RGS9: variants seen among roughly 807,000 people sequenced by gnomAD.
RGS9 encodes the protein regulator of G-protein signalling 9.
In RGS9, 78 loss-of-function variants were observed where a neutral mutation model predicts 102.0. The ratio of observed to expected loss-of-function variants is 0.76; its 90% CI spans 0.64 to 0.92. The LOEUF (loss-of-function observed/expected upper bound fraction) is 0.92, where lower values mean the gene tolerates loss of function less well. RGS9 is among the 40% of genes least tolerant of loss of function. RGS9 has a pLI of 0.00. For missense variants in RGS9, 833 were observed against 866.1 expected, an observed-to-expected ratio of 0.96 and a Z score of 0.48; for synonymous variants, 353 against 318.6, an observed-to-expected ratio of 1.11 and a Z score of -1.15.
At position 65,173,671 on chromosome 17, in the gene RGS9, C is replaced by T. The variant is rs114061773; in HGVS notation, c.583-4061C>T. Among the ~76,000 whole-genome samples the T allele has an allele frequency of 8.0e-3, 1,220 of 152,344 alleles. 9 individuals are homozygous for T. The highest frequency in any genetic ancestry group is 0.027 in the African/African-American group (1,142 of 41,574). On this transcript the variant is annotated intron_variant, in intron 8 of 18. Transcript: ENST00000262406. This position sits in a 1 kb window ranked among gnomAD's most constrained non-coding sequence, Gnocchi z 4.8. Reference sequence around the variant, plus strand: ...AAAGTGCCTGCTGCCTCCTTATCTGCGGGCCACACACCGCAGGATGCATCG... The same window carrying T: ...AAAGTGCCTGCTGCCTCCTTATCTGTGGGCCACACACCGCAGGATGCATCG...
intron 17 of RGS9, among the ~76,000 whole-genome samples, chr17:65,224,276 G>A (rs1043783524): frequency 2.6e-5 from 4 of 152,256 alleles, no homozygotes; most frequent in Non-Finnish European, 5.9e-5. Context: ...GGGGGCTGGG[G>A]CCATGGTGGC....
At position 65,137,503 on chromosome 17, in the gene RGS9, C is replaced by T; in HGVS notation, c.-38C>T. On this transcript the variant is annotated 5_prime_UTR_variant, in exon 1 of 19. Transcript: ENST00000262406. ...TTGGGGGGCTTCTCCTCTTGTCTCC[C>T]ACTGGTGCTCTGGCTGTGAATCCAT... 6.2e-7 allele frequency: 1 copy of T among 1,603,820 alleles called. No homozygotes were observed. Among genetic ancestry groups the T allele is most frequent in the Non-Finnish European group, 8.5e-7 (1 of 1,174,408 alleles).
chr17:65,169,830 C>G (rs947045324), intron 8 of RGS9, among the ~76,000 whole-genome samples: 3 of 151,986 alleles, frequency 2.0e-5, no homozygotes, highest in Admixed American at 2.0e-4. Flanking sequence ...GCCTCCCCCC[C>G]AGCCCATCTC....
intron 1 of RGS9, among the ~76,000 whole-genome samples, chr17:65,139,366 C>T (rs542032422): frequency 8.7e-4 from 132 of 151,704 alleles, no homozygotes; most frequent in Non-Finnish European, 1.7e-3. Context: ...AAACGCTCCA[C>T]TGGCTTCCCA....
At chr17:65,162,519 G>A (rs111812427) in intron 6 of RGS9, among the ~76,000 whole-genome samples, 114 of 152,272 alleles carry the variant, frequency 7.5e-4, no homozygotes, top group African/African-American at 2.6e-3. Context: ...CTGGAGTGCA[G>A]TAGCACAATC....
intron 1 of RGS9, among the ~76,000 whole-genome samples, chr17:65,148,187 G>A (rs901258140): frequency 1.3e-5 from 2 of 152,116 alleles, no homozygotes; most frequent in East Asian, 1.9e-4. Flanking sequence ...TTCTGTGACC[G>A]GCCTATTTCA....
chr17:65,190,836 A>T (rs929236362), intron 11 of RGS9, among the ~76,000 whole-genome samples: 1 of 152,120 alleles, frequency 6.6e-6, no homozygotes, highest in Non-Finnish European at 1.5e-5. Flanking sequence ...TGCATTTCTA[A>T]CTCTGGGATT....
At chr17:65,215,479 T>C (rs1186928099) in intron 17 of RGS9, among the ~76,000 whole-genome samples, 1 of 107,176 alleles carries the variant, frequency 9.3e-6, no homozygotes, top group Non-Finnish European at 1.8e-5. Flanking sequence ...TCTTTCTCTA[T>C]CTTTCTTTCG....
chr17:65,196,175 G>T (rs542629384), intron 12 of RGS9, among the ~76,000 whole-genome samples: 1 of 152,368 alleles, frequency 6.6e-6, no homozygotes, highest in African/African-American at 2.4e-5. Context: ...TCGATGGTAT[G>T]TGTGTAACGC....
At chr17:65,184,607 G>A (rs1401748626) in intron 9 of RGS9, among the ~76,000 whole-genome samples, 1 of 152,138 alleles carries the variant, frequency 6.6e-6, no homozygotes, top group African/African-American at 2.4e-5. Flanking sequence ...GGAAGTGGTA[G>A]GACTAGAATT....
At chr17:65,224,495 G>C (rs551816722) in intron 17 of RGS9, among the ~76,000 whole-genome samples, 78 of 152,376 alleles carry the variant, frequency 5.1e-4, no homozygotes, top group Non-Finnish European at 1.0e-3. Context: ...CTCAGAGCAA[G>C]GAGGGGCCTC....
intron 17 of RGS9, 86 bp downstream of exon 17, chr17:65,210,691 CA>C: frequency 6.3e-7 from 1 of 1,589,928 alleles, no homozygotes; most frequent in Non-Finnish European, 8.5e-7. Context: ...TGGGGTCATG[CA>C]CTTGGGAGAG....
At chr17:65,183,269 T>A (rs1325849044) in intron 9 of RGS9, among the ~76,000 whole-genome samples, 1 of 152,166 alleles carries the variant, frequency 6.6e-6, no homozygotes, top group Non-Finnish European at 1.5e-5. Flanking sequence ...ATTACAGATG[T>A]GTGCCACCAT....
rs185065363 is a variant in RGS9, at chr17:65,217,949, G to T, written c.1408-7053G>T. ...GGCATTTGCTGAGAGCATTGCAGGAGGAGGGCAGTGTGGCTACAGAAGCAA... is the reference window on the plus strand; with the variant it reads ...GGCATTTGCTGAGAGCATTGCAGGATGAGGGCAGTGTGGCTACAGAAGCAA... On this transcript the variant is annotated intron_variant, in intron 17 of 18. Transcript: ENST00000262406. Among the ~76,000 whole-genome samples the T allele has an allele frequency of 2.6e-5, 4 of 152,298 alleles. No individual in the cohort carries two copies. In the East Asian group the frequency reaches 7.7e-4, roughly 29 times the overall value.
At chr17:65,152,536 T>C (rs1910617871) in intron 1 of RGS9, among the ~76,000 whole-genome samples, 1 of 152,194 alleles carries the variant, frequency 6.6e-6, no homozygotes, top group Non-Finnish European at 1.5e-5. Flanking sequence ...TCATTTCTTT[T>C]CTTTTTTAAA....
chr17:65,214,116 C>T (rs189144186), intron 17 of RGS9, among the ~76,000 whole-genome samples: 1 of 152,154 alleles, frequency 6.6e-6, no homozygotes, highest in Non-Finnish European at 1.5e-5. Context: ...TGTGCGCCAC[C>T]AGGCTTGGCT....
intron 17 of RGS9, among the ~76,000 whole-genome samples, chr17:65,219,275 C>T (rs1479016698): frequency 6.6e-6 from 1 of 152,180 alleles, no homozygotes; most frequent in Non-Finnish European, 1.5e-5. Context: ...CCCTGGAGTC[C>T]ACCAGGAAAT....
At chr17:65,215,128 C>G (rs879907361) in intron 17 of RGS9, among the ~76,000 whole-genome samples, 3 of 152,068 alleles carry the variant, frequency 2.0e-5, no homozygotes, top group Admixed American at 6.5e-5. Flanking sequence ...AAATCAGGAG[C>G]TGAGGAGTGA....
chr17:65,192,335 C>T (rs375002550), intron 11 of RGS9, among the ~76,000 whole-genome samples: 4 of 152,052 alleles, frequency 2.6e-5, no homozygotes, highest in African/African-American at 7.2e-5. Flanking sequence ...AAAATTAGGC[C>T]GGGAGCGGTG....
Sources: allele counts gnomAD v4.1 joint callset (sites outside exome capture counted in the v4.1 genomes callset), GRCh38; gene constraint gnomAD v4.1.1; non-coding constraint Gnocchi (gnomAD v3.1); transcripts MANE v1.5; gene names NCBI Gene and HGNC (gene_info 2026-07-23, HGNC 2026-07-21).